The following ZNF420 variants were observed in gnomAD, a reference collection of about 807,000 sequenced individuals.
ZNF420 encodes the protein zinc finger protein 420.
A neutral mutation model predicts 44.7 loss-of-function variants in ZNF420; 31 were observed. The ratio of observed to expected loss-of-function variants is 0.69; its 90% confidence interval spans 0.52 to 0.94. ZNF420 has a LOEUF of 0.94. Ranked by LOEUF, ZNF420 falls within the 40% of genes least tolerant of loss-of-function variation. ZNF420 has a pLI of 0.00. For synonymous variants in ZNF420, 245 were observed against 267.4 expected (o/e 0.92, Z 0.82); for missense variants, 681 against 827.9 (o/e 0.82, Z 2.18).
chr19:37,058,028 G>A (rs1967790970), intron 1 of ZNF420, among the ~76,000 whole-genome samples: 1 of 152,118 alleles, frequency 6.6e-6, no homozygotes, highest in Non-Finnish European at 1.5e-5. Context: ...ACTGTGCTGT[G>A]TCTTGCCTGG....
intron 4 of ZNF420, among the ~76,000 whole-genome samples, chr19:37,119,796 C>T (rs542288500): frequency 4.6e-4 from 69 of 151,636 alleles, no homozygotes; most frequent in Non-Finnish European, 8.0e-4. Context: ...GGGGATATCA[C>T]CACCAATCCC....
chr19:37,010,124 T>A (rs2146365717), intron 1 of ZNF420, among the ~76,000 whole-genome samples: 1 of 152,322 alleles, frequency 6.6e-6, no homozygotes, highest in Non-Finnish European at 1.5e-5. Context: ...CACAGTTGCC[T>A]GAGAAACCAG....
chr19:37,035,915 G>A (rs1433999540), intron 1 of ZNF420, among the ~76,000 whole-genome samples: 1 of 152,144 alleles, frequency 6.6e-6, no homozygotes, highest in East Asian at 1.9e-4. Flanking sequence ...ACCTGTGAAA[G>A]GAATGACACT....
intron 1 of ZNF420, among the ~76,000 whole-genome samples, chr19:37,032,632 C>T (rs1967282801): frequency 6.6e-6 from 1 of 151,982 alleles, no homozygotes; most frequent in Non-Finnish European, 1.5e-5. Flanking sequence ...AGGTTAAACC[C>T]CGTCTCTACT....
At chr19:37,110,512 G>A (rs1004740035) in intron 4 of ZNF420, among the ~76,000 whole-genome samples, 5 of 152,110 alleles carry the variant, frequency 3.3e-5, no homozygotes, top group Non-Finnish European at 5.9e-5. Context: ...GTGTGTGCTC[G>A]AATATGAGTA....
At chr19:37,101,139 AT>A (rs1969754090) in intron 4 of ZNF420, among the ~76,000 whole-genome samples, 1 of 151,344 alleles carries the variant, frequency 6.6e-6, no homozygotes, top group Non-Finnish European at 1.5e-5. Flanking sequence ...TTGAGCTCAT[AT>A]TTTCCTGAAT....
chr19:37,122,853 G>A (rs1228112678), intron 4 of ZNF420, among the ~76,000 whole-genome samples: 3 of 152,080 alleles, frequency 2.0e-5, no homozygotes, highest in African/African-American at 4.8e-5. Flanking sequence ...GTTATTTCGT[G>A]ATGACTTTCA....
chr19:37,094,307 C>G (rs958137840), intron 4 of ZNF420, among the ~76,000 whole-genome samples: 2 of 152,150 alleles, frequency 1.3e-5, no homozygotes, highest in Non-Finnish European at 2.9e-5. Context: ...CTTTCTCCCT[C>G]CTTAATGAGG....
chr19:37,101,299 A>C (rs1969763240), intron 4 of ZNF420, among the ~76,000 whole-genome samples: 3 of 152,340 alleles, frequency 2.0e-5, no homozygotes, highest in South Asian at 4.1e-4. Context: ...GTTCAAGACC[A>C]GCCTGACCAA....
intron 4 of ZNF420, among the ~76,000 whole-genome samples, chr19:37,110,544 T>C (rs558788820): frequency 2.0e-5 from 3 of 152,358 alleles, no homozygotes; most frequent in Admixed American, 1.3e-4. Context: ...GAAATTTCTT[T>C]TTCTTACAGT....
chr19:37,123,634 C>T (rs1018038396), intron 4 of ZNF420, among the ~76,000 whole-genome samples: 5 of 113,668 alleles, frequency 4.4e-5, no homozygotes, highest in South Asian at 2.8e-4. Context: ...AGCGGAGTCT[C>T]GCTCTGTCAC....
chr19:37,008,214 C>A (rs1004413312), intron 1 of ZNF420: 6 of 298,116 alleles, frequency 2.0e-5, no homozygotes, highest in African/African-American at 7.0e-5. Context: ...TTGCCTGGGG[C>A]GGGCGGGGGG....
At chr19:37,041,409 A>G (rs1028155986) in intron 1 of ZNF420, among the ~76,000 whole-genome samples, 27 of 152,120 alleles carry the variant, frequency 1.8e-4, no homozygotes, top group African/African-American at 5.8e-4. Flanking sequence ...CCTTACAGTC[A>G]ATTATTATGA....
chr19:37,120,358 A>G (rs1433838606), intron 4 of ZNF420, among the ~76,000 whole-genome samples: 1 of 151,854 alleles, frequency 6.6e-6, no homozygotes, highest in Non-Finnish European at 1.5e-5. Flanking sequence ...TATAAACAGA[A>G]CCAAAGACAA....
intron 2 of ZNF420, among the ~76,000 whole-genome samples, chr19:37,085,970 T>TTAG (rs1968747095): frequency 1.4e-5 from 2 of 147,940 alleles, no homozygotes; most frequent in African/African-American, 5.0e-5. Flanking sequence ...ATTATTATTA[T>TTAG]TATTATTATT....
chr19:37,115,641 A>G (rs1970632698), intron 4 of ZNF420, among the ~76,000 whole-genome samples: 1 of 151,900 alleles, frequency 6.6e-6, no homozygotes, highest in African/African-American at 2.4e-5. Flanking sequence ...TTTTACACTG[A>G]GACATTCTAT....
intron 1 of ZNF420, among the ~76,000 whole-genome samples, chr19:37,059,293 C>A (rs997866125): frequency 5.9e-5 from 9 of 152,190 alleles, no homozygotes; most frequent in African/African-American, 1.9e-4. Flanking sequence ...TGCCTTAGCG[C>A]AGCCGCGCCG....
intron 1 of ZNF420, among the ~76,000 whole-genome samples, chr19:37,060,532 A>C (rs1967857816): frequency 6.6e-6 from 1 of 152,064 alleles, no homozygotes; most frequent in African/African-American, 2.4e-5. Context: ...TGTCTTCAAC[A>C]AAGATCACTT....
In ZNF420 at chr19:37,008,160, C is replaced by T. The variant is rs575887591; in HGVS notation, c.-125+78C>T. On this transcript the variant is annotated intron_variant, in intron 1 of 4. Transcript: ENST00000587029. ...TGTGCCTGTAGGCTACTCTCTCACC[C>T]GAGGGTCGTTCTCACAGAGAGCAGA... 3 of 304,592 alleles carry T rather than the reference C, an allele frequency of 9.8e-6. No individual in the cohort carries two copies. The East Asian group carries it at 4.1e-4, about 42-fold the overall frequency. 18.9% of individuals were successfully genotyped at this position (304,592 alleles called of 1,614,324 possible).
Sources: gnomAD v4.1 joint callset for allele counts (sites outside exome capture counted in the v4.1 genomes callset) on GRCh38, gnomAD v4.1.1 for gene constraint, MANE v1.5 for transcripts, NCBI Gene and HGNC (gene_info 2026-07-23, HGNC 2026-07-21) for gene names.